PARVA: variants seen among roughly 807,000 people sequenced by gnomAD.
PARVA encodes the protein alpha-parvin.
PARVA carries 25 observed loss-of-function variants against 52.6 expected under a neutral mutation model. That is an observed-to-expected ratio of 0.48 (90% confidence interval 0.35 to 0.66). PARVA has a LOEUF of 0.66. Among genes scored for constraint, PARVA ranks in the 30% least tolerant of loss-of-function variants. The pLI, the probability that PARVA is intolerant of heterozygous loss-of-function variation, is 0.01. For synonymous variants in PARVA, 185 were observed against 179.1 expected (o/e 1.03, Z -0.26); for missense variants, 373 against 450.9 (o/e 0.83, Z 1.56).
At chr11:12,392,934 T>C (rs1301524363) in intron 1 of PARVA, among the ~76,000 whole-genome samples, 1 of 151,768 alleles carries the variant, frequency 6.6e-6, no homozygotes, top group Admixed American at 6.6e-5. Flanking sequence ...AGAATGGCTG[T>C]GCTCCTGAAA....
chr11:12,478,236 A>G (rs1941041950), intron 4 of PARVA: 2 of 459,620 alleles, frequency 4.4e-6, no homozygotes, highest in African/African-American at 2.0e-5. Context: ...TAATAACTAG[A>G]AAGCACGCCT....
At chr11:12,414,913 T>TG (rs547662223) in intron 1 of PARVA, among the ~76,000 whole-genome samples, 3 of 152,248 alleles carry the variant, frequency 2.0e-5, no homozygotes, top group African/African-American at 7.2e-5. Flanking sequence ...AAGAAGGCTT[T>TG]GGGGAGGTGA....
intron 1 of PARVA, among the ~76,000 whole-genome samples, chr11:12,428,471 C>G (rs1385168134): frequency 6.6e-6 from 1 of 152,176 alleles, no homozygotes; most frequent in Non-Finnish European, 1.5e-5. Context: ...CTGAGATGAC[C>G]AAGACCCAGT....
chr11:12,410,249 C>T (rs1044950511), intron 1 of PARVA, among the ~76,000 whole-genome samples: 1 of 152,216 alleles, frequency 6.6e-6, no homozygotes, highest in Non-Finnish European at 1.5e-5. Flanking sequence ...GGCCTGGGCT[C>T]TGCTTGAAGT....
upstream of PARVA, chr11:12,377,316 A>G: frequency 1.2e-6 from 1 of 840,856 alleles, no homozygotes; most frequent in Non-Finnish European, 1.7e-6. Flanking sequence ...GCCTGGGTAA[A>G]TGAAGCTTTC....
chr11:12,402,555 C>T (rs1272278999), intron 1 of PARVA, among the ~76,000 whole-genome samples: 2 of 152,164 alleles, frequency 1.3e-5, no homozygotes, highest in Non-Finnish European at 2.9e-5. Flanking sequence ...AATTACTTAA[C>T]CACATGGTGC....
chr11:12,402,065 G>T (rs1213996970), intron 1 of PARVA, among the ~76,000 whole-genome samples: 3 of 152,204 alleles, frequency 2.0e-5, no homozygotes, highest in Non-Finnish European at 4.4e-5. Context: ...CCCTGGGAGG[G>T]AACGCTTTGC....
chr11:12,510,940 G>C (rs1941495845), intron 7 of PARVA, among the ~76,000 whole-genome samples: 1 of 152,164 alleles, frequency 6.6e-6, no homozygotes, highest in Middle Eastern at 3.2e-3. Flanking sequence ...TTTAAAGCTT[G>C]TGCTCTTGAT....
intron 1 of PARVA, among the ~76,000 whole-genome samples, chr11:12,421,842 A>G (rs1940155180): frequency 6.6e-6 from 1 of 152,228 alleles, no homozygotes; most frequent in African/African-American, 2.4e-5. Context: ...TCAGATCTTT[A>G]TCTGATTATG....
At chr11:12,382,374 ACTTTTT>A (rs1289438729) in intron 1 of PARVA, among the ~76,000 whole-genome samples, 2 of 142,162 alleles carry the variant, frequency 1.4e-5, no homozygotes, top group African/African-American at 5.5e-5. Context: ...GACATGAGTA[ACTTTTT>A]CTTTTTTTTT....
chr11:12,398,821 CCCATG>C, intron 1 of PARVA, among the ~76,000 whole-genome samples: 1 of 152,140 alleles, frequency 6.6e-6, no homozygotes, highest in Non-Finnish European at 1.5e-5. Flanking sequence ...CTCCTCTTAA[CCCATG>C]TTGCAAATAA....
chr11:12,414,878 G>A (rs954333113), intron 1 of PARVA, among the ~76,000 whole-genome samples: 1 of 152,160 alleles, frequency 6.6e-6, no homozygotes, highest in Non-Finnish European at 1.5e-5. Context: ...TAGTGGGCCT[G>A]GTGGAAGTTG....
At chr11:12,469,903 C>G (rs1363283651) in intron 1 of PARVA, among the ~76,000 whole-genome samples, 1 of 152,182 alleles carries the variant, frequency 6.6e-6, no homozygotes, top group Non-Finnish European at 1.5e-5. Context: ...CCTGTTCAGA[C>G]CCACCTTTAG....
chr11:12,496,713 C>T (rs1482566608), intron 5 of PARVA, 115 bp downstream of exon 5: 1 of 998,568 alleles, frequency 1.0e-6, no homozygotes, highest in Non-Finnish European at 1.4e-6. Context: ...GGGTCAAACT[C>T]ATTTATCTTT....
At chr11:12,515,327 C>T (rs1037709830) in intron 10 of PARVA, among the ~76,000 whole-genome samples, 2 of 152,126 alleles carry the variant, frequency 1.3e-5, no homozygotes, top group African/African-American at 4.8e-5. Flanking sequence ...AGACAAATGC[C>T]AGCCTGTCGC....
intron 1 of PARVA, among the ~76,000 whole-genome samples, chr11:12,379,087 C>T (rs1439599743): frequency 6.6e-6 from 1 of 152,190 alleles, no homozygotes; most frequent in Non-Finnish European, 1.5e-5. Context: ...GGGTAACTTC[C>T]GGACGTTGCC....
intron 6 of PARVA, among the ~76,000 whole-genome samples, chr11:12,508,064 T>C (rs1291543645): frequency 7.0e-6 from 1 of 142,612 alleles, no homozygotes; most frequent in Non-Finnish European, 1.5e-5. Flanking sequence ...GAGTGAGGAC[T>C]TACTACTTAT....
intron 4 of PARVA, among the ~76,000 whole-genome samples, chr11:12,492,003 G>C (rs769180781): frequency 3.6e-4 from 55 of 152,082 alleles, no homozygotes; most frequent in Non-Finnish European, 6.5e-4. Context: ...TAATATACTT[G>C]GAGACAAAAG....
intron 4 of PARVA, chr11:12,480,198 T>C (rs1941068589): frequency 7.8e-6 from 1 of 128,710 alleles, no homozygotes; most frequent in African/African-American, 3.0e-5. Flanking sequence ...CACTCTAGCA[T>C]GGGGGACAGA....
Sources: allele counts gnomAD v4.1 joint callset (sites outside exome capture counted in the v4.1 genomes callset), GRCh38; gene constraint gnomAD v4.1.1; transcripts MANE v1.5; gene names NCBI Gene and HGNC (gene_info 2026-07-23, HGNC 2026-07-21).